The following PDS5A variants were observed in gnomAD, a reference collection of about 807,000 sequenced individuals.
PDS5A encodes PDS5 cohesin associated factor A, also known as sister chromatid cohesion protein PDS5 homolog A.
A neutral mutation model predicts 167.1 loss-of-function variants in PDS5A; 42 were observed. That is an observed-to-expected ratio of 0.25 (90% CI 0.20 to 0.33). The LOEUF (loss-of-function observed/expected upper bound fraction) is 0.33. Ranked by LOEUF, PDS5A falls within the 10% of genes least tolerant of loss-of-function variation. The pLI is 1.00. For synonymous variants in PDS5A, 553 were observed against 554.6 expected (o/e 1.00, Z 0.04); for missense variants, 1,033 against 1,605.9 (o/e 0.64, Z 6.10).
At chr4:39,902,165 G>A (rs1420741801) in intron 13 of PDS5A, among the ~76,000 whole-genome samples, 182 bp downstream of exon 13, 1 of 152,082 alleles carries the variant, frequency 6.6e-6, no homozygotes, top group Admixed American at 6.6e-5. Context: ...TGCCAAACAA[G>A]CCTACACATA....
At chr4:39,850,295 G>T (rs1045524531) in intron 26 of PDS5A, among the ~76,000 whole-genome samples, 2 of 149,260 alleles carry the variant, frequency 1.3e-5, no homozygotes, top group African/African-American at 5.0e-5. Context: ...AAAGAAATTC[G>T]AGACTAGCCT....
intron 2 of PDS5A, among the ~76,000 whole-genome samples, chr4:39,959,331 A>C (rs1729265279): frequency 6.6e-6 from 1 of 152,150 alleles, no homozygotes; most frequent in East Asian, 1.9e-4. Context: ...CCCTAGTTGC[A>C]AGCTAAAAAT....
intron 13 of PDS5A, among the ~76,000 whole-genome samples, chr4:39,900,795 AAG>A (rs1196717684): frequency 6.6e-6 from 1 of 152,178 alleles, no homozygotes; most frequent in African/African-American, 2.4e-5. Context: ...GGTACAAGGA[AAG>A]AAAATCTCAA....
rs139674913 is a variant in PDS5A, at chr4:39,948,047, G to A, written c.139-19883C>T. ...GGGAGGATGCCTTGAGACAAGGAATGCAAGACTAGCCTGGGCAACAACTGC... is the reference window on the plus strand; with the variant it reads ...GGGAGGATGCCTTGAGACAAGGAATACAAGACTAGCCTGGGCAACAACTGC... On this transcript the variant is annotated intron_variant, in intron 2 of 32. Transcript: ENST00000303538. 3.0e-3 allele frequency among the ~76,000 whole-genome samples: 457 copies of A among 152,110 alleles called. 1 individual carries two copies. Among genetic ancestry groups the A allele is most frequent in the South Asian group, 0.021 (100 of 4,812 alleles).
At position 39,829,844 on chromosome 4, in the gene PDS5A, A is replaced by G. The variant is rs1386606763; in HGVS notation, c.4011-4356T>C. Reference sequence around the variant, plus strand: ...TGGGTGCCTGTGGTCCCAGCTACTCAGAAGGCTGAGGCAGGAGAATGGCGT... The same window carrying G: ...TGGGTGCCTGTGGTCCCAGCTACTCGGAAGGCTGAGGCAGGAGAATGGCGT... On this transcript the variant is annotated intron_variant, in intron 32 of 32. Coordinates refer to ENST00000303538, the MANE Select transcript of PDS5A (RefSeq NM_001100399.2). Among the ~76,000 whole-genome samples, 27 of 147,618 alleles carry G rather than the reference A, an allele frequency of 1.8e-4. No individual in the cohort carries two copies. The Admixed American group carries it at 1.8e-3, about 10-fold the overall frequency.
intron 15 of PDS5A, 41 bp from the exon 16 acceptor site, chr4:39,898,569 A>T: frequency 7.6e-7 from 1 of 1,317,310 alleles, no homozygotes; most frequent in South Asian, 1.5e-5. Context: ...GAAGGAAAAA[A>T]AAAAAACTAT....
chr4:39,839,781 A>C (rs1454765308), intron 31 of PDS5A, among the ~76,000 whole-genome samples: 1 of 150,788 alleles, frequency 6.6e-6, no homozygotes, highest in Non-Finnish European at 1.5e-5. Context: ...GGAGGAAATA[A>C]TATCTTCAAG....
intron 32 of PDS5A, among the ~76,000 whole-genome samples, chr4:39,826,288 T>G (rs1374347742): frequency 6.6e-6 from 1 of 150,414 alleles, no homozygotes; most frequent in African/African-American, 2.5e-5. Flanking sequence ...TCCTCTCACC[T>G]ACTCCTCTTT....
At chr4:39,973,952 G>A (rs1010901709) in intron 2 of PDS5A, 3 of 525,900 alleles carry the variant, frequency 5.7e-6, no homozygotes, top group Admixed American at 3.1e-5. Context: ...GGTGAAACCC[G>A]TCTCTACTAA....
chr4:39,902,490 A>C, intron 12 of PDS5A, 30 bp from the exon 13 acceptor site: 1 of 1,098,066 alleles, frequency 9.1e-7, no homozygotes, highest in Non-Finnish European at 1.3e-6. Flanking sequence ...AAAAAAACCT[A>C]AGTGACACAA....
chr4:39,972,049 T>C (rs1730596424), intron 2 of PDS5A, among the ~76,000 whole-genome samples: 1 of 152,170 alleles, frequency 6.6e-6, no homozygotes, highest in Non-Finnish European at 1.5e-5. Flanking sequence ...TTGGTTGATA[T>C]GAACGTCGAT....
At chr4:39,923,583 C>T (rs1725193488) in intron 5 of PDS5A, among the ~76,000 whole-genome samples, 1 of 150,558 alleles carries the variant, frequency 6.6e-6, no homozygotes, top group Admixed American at 6.7e-5. Context: ...CATCAGCAAG[C>T]CATGATCGTG....
chr4:39,864,281 G>A (rs1046059760), intron 23 of PDS5A, among the ~76,000 whole-genome samples: 1 of 152,020 alleles, frequency 6.6e-6, no homozygotes, highest in Non-Finnish European at 1.5e-5. Flanking sequence ...TGAAATGGCA[G>A]GGCTGCAGTT....
intron 2 of PDS5A, among the ~76,000 whole-genome samples, chr4:39,963,051 G>A (rs538536857): frequency 4.0e-4 from 61 of 152,102 alleles, no homozygotes; most frequent in African/African-American, 1.4e-3. Context: ...CGACCTGGTG[G>A]CTCACGCCTG....
intron 2 of PDS5A, chr4:39,932,501 CA>C (rs1258977251): frequency 4.4e-6 from 1 of 227,540 alleles, no homozygotes; most frequent in Non-Finnish European, 1.0e-5. Flanking sequence ...GTCCTGATGC[CA>C]TGTATGTCAA....
chr4:39,844,603 A>T, intron 30 of PDS5A, 53 bp downstream of exon 30: 1 of 1,453,878 alleles, frequency 6.9e-7, no homozygotes, highest in Middle Eastern at 1.8e-4. Flanking sequence ...TAGGAATAAA[A>T]GATAAACCAA....
At chr4:39,911,807 G>C (rs1723914693) in intron 9 of PDS5A, among the ~76,000 whole-genome samples, 2 of 147,754 alleles carry the variant, frequency 1.4e-5, no homozygotes, top group Middle Eastern at 3.8e-3. Context: ...ACTCCAGCCT[G>C]GGCGACAGAG....
At chr4:39,849,166 A>G (rs975799652) in intron 27 of PDS5A, among the ~76,000 whole-genome samples, 196 bp from the exon 28 acceptor site, 4 of 152,202 alleles carry the variant, frequency 2.6e-5, no homozygotes, top group African/African-American at 9.6e-5. Flanking sequence ...TGAATTTAAC[A>G]TGGATGCCAA....
intron 2 of PDS5A, chr4:39,933,578 TTAAATTAAAA>T (rs1304234266): frequency 6.6e-6 from 1 of 152,068 alleles, no homozygotes; most frequent in Non-Finnish European, 1.5e-5. Context: ...CAGATTGTTA[TTAAATTAAAA>T]TAAACTGTTT....
Sources: gnomAD v4.1 joint callset for allele counts (sites outside exome capture counted in the v4.1 genomes callset) on GRCh38, gnomAD v4.1.1 for gene constraint, MANE v1.5 for transcripts, NCBI Gene and HGNC (gene_info 2026-07-23, HGNC 2026-07-21) for gene names.